The following LRP1B variants were observed in gnomAD, a reference collection of about 807,000 sequenced individuals.
LRP1B encodes LDL receptor related protein 1B, also known as low-density lipoprotein receptor-related protein 1B.
LRP1B carries 217 observed loss-of-function variants against 556.6 expected under a neutral mutation model. The ratio of observed to expected loss-of-function variants is 0.39; its 90% CI spans 0.35 to 0.44. The LOEUF is 0.44. Ranked by LOEUF, LRP1B falls within the 20% of genes least tolerant of loss-of-function variation. LRP1B has a pLI of 1.00. For synonymous variants in LRP1B, 2,047 were observed against 1,865.8 expected (o/e 1.10, Z -2.50); for missense variants, 5,053 against 5,620.8 (o/e 0.90, Z 3.23).
At chr2:141,882,333 A>G (rs1698983003) in intron 1 of LRP1B, among the ~76,000 whole-genome samples, 1 of 152,106 alleles carries the variant, frequency 6.6e-6, no homozygotes, top group Non-Finnish European at 1.5e-5. Context: ...GTTTGTGAAT[A>G]AAATCATAAA....
rs1462784708 is a variant in LRP1B, at chr2:141,706,299, T to C, written c.205+103980A>G. 2.6e-5 allele frequency among the ~76,000 whole-genome samples: 4 copies of C among 152,124 alleles called. No individual in the cohort carries two copies. The East Asian group carries it at 7.7e-4, about 29-fold the overall frequency. On this transcript the variant is annotated intron_variant, in intron 2 of 90. Transcript: ENST00000389484. ...TTTGATTGGATTGTCTTCTCCGCCA[T>C]GTAAATTGCTTACATTCTTCAAGAA...
At chr2:140,303,711 G>T (rs113829413) in intron 83 of LRP1B, among the ~76,000 whole-genome samples, 1 of 151,682 alleles carries the variant, frequency 6.6e-6, no homozygotes, top group African/African-American at 2.4e-5. Flanking sequence ...CACAACATGC[G>T]GGTTTGTTAC....
intron 3 of LRP1B, among the ~76,000 whole-genome samples, chr2:141,310,199 C>G (rs1456780547): frequency 1.3e-5 from 2 of 151,862 alleles, no homozygotes; most frequent in Non-Finnish European, 1.5e-5. Context: ...GAAAGAAAAC[C>G]CAAGCATTTC....
At position 141,061,140 on chromosome 2, in the gene LRP1B, G is replaced by A. The variant is rs62173696; in HGVS notation, c.1236+911C>T. Among the ~76,000 whole-genome samples, 746 of 151,848 alleles carry A rather than the reference G, an allele frequency of 4.9e-3. 7 individuals carry two copies. The highest frequency in any genetic ancestry group is 0.011 in the South Asian group (54 of 4,828). On this transcript the variant is annotated intron_variant, in intron 8 of 90. Coordinates refer to ENST00000389484, the MANE Select transcript of LRP1B (RefSeq NM_018557.3). Reference sequence around the variant, plus strand: ...ATTTTTGGGGCAGTTGAAGGTGAGAGAGAAAGCACTGGCCCACCTTTAACA... The same window carrying A: ...ATTTTTGGGGCAGTTGAAGGTGAGAAAGAAAGCACTGGCCCACCTTTAACA...
chr2:141,836,187 T>C (rs993282273), intron 1 of LRP1B, among the ~76,000 whole-genome samples: 2 of 151,954 alleles, frequency 1.3e-5, no homozygotes, highest in South Asian at 2.1e-4. Context: ...CAACTTCAAT[T>C]CAAATATTTG....
intron 51 of LRP1B, 77 bp from the exon 52 acceptor site, chr2:140,510,133 G>A (rs1450081487): frequency 2.7e-6 from 4 of 1,488,570 alleles, no homozygotes; most frequent in African/African-American, 1.4e-5. Context: ...ATTTTCTACA[G>A]TAAGGGGGGA....
At chr2:141,533,675 G>A (rs986588187) in intron 2 of LRP1B, among the ~76,000 whole-genome samples, 12 of 152,114 alleles carry the variant, frequency 7.9e-5, no homozygotes, top group Admixed American at 6.6e-4. Flanking sequence ...CTAAATGACT[G>A]TCTTAACACT....
chr2:140,706,035 G>C (rs112480009), intron 37 of LRP1B, among the ~76,000 whole-genome samples: 1 of 152,038 alleles, frequency 6.6e-6, no homozygotes, highest in African/African-American at 2.4e-5. Flanking sequence ...CTCCAAGCTC[G>C]TAAAACTGCA....
intron 1 of LRP1B, among the ~76,000 whole-genome samples, chr2:141,890,498 A>T (rs910348725): frequency 3.3e-5 from 5 of 151,646 alleles, no homozygotes; most frequent in Non-Finnish European, 7.4e-5. Context: ...AGTATATATC[A>T]TTGACAAAAT....
At chr2:140,694,682 T>C (rs1319516336) in intron 41 of LRP1B, among the ~76,000 whole-genome samples, 1 of 152,190 alleles carries the variant, frequency 6.6e-6, no homozygotes, top group African/African-American at 2.4e-5. Flanking sequence ...CAACATTTAT[T>C]AGCTAAAAGA....
At chr2:140,855,471 A>G (rs1161442434) in intron 27 of LRP1B, among the ~76,000 whole-genome samples, 1 of 131,708 alleles carries the variant, frequency 7.6e-6, no homozygotes, top group African/African-American at 2.9e-5. Context: ...TAGGCAAGAC[A>G]GGTAGGTCCC....
intron 7 of LRP1B, among the ~76,000 whole-genome samples, chr2:141,120,114 G>A (rs776595890): frequency 1.3e-5 from 2 of 151,866 alleles, no homozygotes; most frequent in African/African-American, 4.8e-5. Flanking sequence ...AGGAGGAAGA[G>A]CAGACATTTA....
intron 59 of LRP1B, among the ~76,000 whole-genome samples, chr2:140,481,579 T>A (rs1688242276): frequency 6.5e-5 from 1 of 15,448 alleles, no homozygotes; most frequent in African/African-American, 1.9e-4. Context: ...GTAGCCATCT[T>A]TATTATTATT....
intron 5 of LRP1B, among the ~76,000 whole-genome samples, chr2:141,237,207 G>A (rs1324077952): frequency 6.6e-6 from 1 of 152,118 alleles, no homozygotes; most frequent in African/African-American, 2.4e-5. Flanking sequence ...GTAGATGTGG[G>A]TCATGGGGAT....
intron 2 of LRP1B, among the ~76,000 whole-genome samples, chr2:141,629,763 C>A (rs1213638299): frequency 6.6e-6 from 1 of 152,054 alleles, no homozygotes; most frequent in Non-Finnish European, 1.5e-5. Flanking sequence ...ACTGAGAGGA[C>A]TGAATCTAAG....
At chr2:141,530,905 G>C (rs1216482356) in intron 2 of LRP1B, among the ~76,000 whole-genome samples, 1 of 150,578 alleles carries the variant, frequency 6.6e-6, no homozygotes, top group Non-Finnish European at 1.5e-5. Flanking sequence ...AGGAGAGGCA[G>C]ACAGAGGCTA....
intron 3 of LRP1B, among the ~76,000 whole-genome samples, chr2:141,397,113 C>CAAAAAAAAAAAAAAAAAGAA (rs1690266166): frequency 2.4e-5 from 1 of 41,964 alleles, no homozygotes; most frequent in African/African-American, 1.3e-4. Context: ...AACTTTGTCT[C>CAAAAAAAAAAAAAAAAAGAA]AAAAAAAAAA....
chr2:141,827,009 A>G (rs1190909548), intron 1 of LRP1B, among the ~76,000 whole-genome samples: 4 of 152,208 alleles, frequency 2.6e-5, no homozygotes, highest in Non-Finnish European at 4.4e-5. Context: ...GAGAGATCCA[A>G]TTGATGAGAG....
At chr2:140,723,375 A>G (rs1173200398) in intron 35 of LRP1B, among the ~76,000 whole-genome samples, 1 of 152,188 alleles carries the variant, frequency 6.6e-6, no homozygotes, top group Non-Finnish European at 1.5e-5. Flanking sequence ...ATTATTATTC[A>G]AATAGTAGCA....
Sources: allele counts gnomAD v4.1 joint callset (sites outside exome capture counted in the v4.1 genomes callset), GRCh38; gene constraint gnomAD v4.1.1; transcripts MANE v1.5; gene names NCBI Gene and HGNC (gene_info 2026-07-23, HGNC 2026-07-21).